LRP12: variants seen among roughly 807,000 people sequenced by gnomAD.
LRP12 encodes low-density lipoprotein receptor-related protein 12.
LRP12 carries 14 observed loss-of-function variants against 66.0 expected under a neutral mutation model. The observed-to-expected ratio is 0.21, with a 90% CI of 0.14 to 0.33. The LOEUF (loss-of-function observed/expected upper bound fraction) is 0.33. LRP12 is among the 10% of genes least tolerant of loss of function. The probability of loss-of-function intolerance (pLI) is 1.00; values close to 1 mark genes in which losing one functional copy is unlikely to be tolerated. For missense variants in LRP12, 889 were observed against 1,053.4 expected (o/e 0.84, Z 2.16); for synonymous variants, 357 against 359.1 (o/e 0.99, Z 0.07).
intron 1 of LRP12, among the ~76,000 whole-genome samples, chr8:104,545,314 G>C: frequency 6.6e-6 from 1 of 152,130 alleles, no homozygotes; most frequent in East Asian, 1.9e-4. Flanking sequence ...CAACATTGTT[G>C]GAATGACAAC....
At chr8:104,537,677 C>T (rs190666917) in intron 1 of LRP12, among the ~76,000 whole-genome samples, 19 of 152,220 alleles carry the variant, frequency 1.2e-4, no homozygotes, top group African/African-American at 4.3e-4. Flanking sequence ...TAAAATAGTA[C>T]AACCACTTTG....
chr8:104,490,596 A>T lies in LRP12; in HGVS notation c.*77T>A. The T allele has an allele frequency of 1.4e-6, 2 of 1,475,304 alleles. No homozygotes were observed. The highest frequency in any genetic ancestry group is 1.8e-6 in the Non-Finnish European group (2 of 1,100,186). 91.4% of individuals were successfully genotyped at this position (1,475,304 alleles called of 1,614,324 possible). On this transcript the variant is annotated 3_prime_UTR_variant, in exon 7 of 7. Transcript: ENST00000276654. ...CATTTTTTCTTTTTAAACTAAAACT[A>T]GTTTAACTGTAAAGTTACAAAATAA...
chr8:104,501,875 T>C (rs888532842), intron 3 of LRP12, among the ~76,000 whole-genome samples: 1 of 152,224 alleles, frequency 6.6e-6, no homozygotes. Flanking sequence ...TTGTGTTTAG[T>C]GCATTTGTTG....
At chr8:104,569,919 C>A (rs1167775823) in intron 1 of LRP12, among the ~76,000 whole-genome samples, 1 of 152,068 alleles carries the variant, frequency 6.6e-6, no homozygotes, top group Non-Finnish European at 1.5e-5. Flanking sequence ...TGAGAGAAAT[C>A]TACACAAATA....
intron 1 of LRP12, among the ~76,000 whole-genome samples, chr8:104,548,357 TA>T (rs1428671683): frequency 2.0e-5 from 1 of 49,024 alleles, no homozygotes; most frequent in East Asian, 5.2e-4. Flanking sequence ...ATATATAATA[TA>T]TATTATATAA....
At chr8:104,539,662 A>G (rs1225359172) in intron 1 of LRP12, among the ~76,000 whole-genome samples, 1 of 152,152 alleles carries the variant, frequency 6.6e-6, no homozygotes, top group Non-Finnish European at 1.5e-5. Context: ...AGTATCACAT[A>G]TACAAATTAT....
chr8:104,526,170 T>C (rs749633997), intron 2 of LRP12, among the ~76,000 whole-genome samples: 2 of 151,490 alleles, frequency 1.3e-5, no homozygotes, highest in Admixed American at 6.6e-5. Context: ...CACTGCTCAA[T>C]GAAATAAAAG....
intron 1 of LRP12, among the ~76,000 whole-genome samples, chr8:104,567,401 A>T (rs546447768): frequency 1.2e-4 from 18 of 152,112 alleles, no homozygotes; most frequent in Non-Finnish European, 2.6e-4. Flanking sequence ...CTATCACGAG[A>T]ATAGCACGGG....
At chr8:104,550,897 T>C (rs1811715600) in intron 1 of LRP12, among the ~76,000 whole-genome samples, 1 of 152,186 alleles carries the variant, frequency 6.6e-6, no homozygotes, top group African/African-American at 2.4e-5. Flanking sequence ...TATTCTCTCA[T>C]GAATCCTCTA....
intron 1 of LRP12, among the ~76,000 whole-genome samples, chr8:104,545,835 T>G (rs1328854254): frequency 6.6e-6 from 1 of 152,198 alleles, no homozygotes; most frequent in Non-Finnish European, 1.5e-5. Flanking sequence ...TGTATGCCTG[T>G]ATATTACTTA....
intron 1 of LRP12, among the ~76,000 whole-genome samples, chr8:104,580,553 C>T (rs1010388266): frequency 1.3e-5 from 2 of 150,756 alleles, no homozygotes; most frequent in African/African-American, 4.9e-5. Context: ...AACAAACAAA[C>T]AAAAAATTAA....
chr8:104,587,341 G>C (rs1285868470), intron 1 of LRP12, among the ~76,000 whole-genome samples: 1 of 152,126 alleles, frequency 6.6e-6, no homozygotes, highest in African/African-American at 2.4e-5. Flanking sequence ...CAACGTAATA[G>C]CTTATTGATC....
intron 2 of LRP12, among the ~76,000 whole-genome samples, chr8:104,525,643 A>AAT (rs35058788): frequency 0.15 from 22,257 of 152,124 alleles, 2,418 homozygotes; most frequent in African/African-American, 0.31. Flanking sequence ...ATTCTAACTT[A>AAT]ATGTTCATTA....
intron 1 of LRP12, among the ~76,000 whole-genome samples, chr8:104,548,599 G>A (rs1441515847): frequency 1.5e-5 from 1 of 66,062 alleles, no homozygotes; most frequent in Non-Finnish European, 3.0e-5. Context: ...ATATAATATA[G>A]AATTATATAA....
intron 1 of LRP12, among the ~76,000 whole-genome samples, chr8:104,564,807 C>A (rs1304473294): frequency 1.3e-5 from 2 of 151,966 alleles, no homozygotes; most frequent in African/African-American, 2.4e-5. Flanking sequence ...GTGGCACACG[C>A]CTGTAGTCCC....
Position 104,588,951 on chromosome 8 carries a change from C to T in LRP12, c.-54G>A, listed in dbSNP as rs1812384171. 1 of 1,310,926 alleles carries T rather than the reference C, an allele frequency of 7.6e-7. No individual in the cohort carries two copies. Among genetic ancestry groups the T allele is most frequent in the Non-Finnish European group, 1.0e-6 (1 of 953,722 alleles). 81.2% of individuals were successfully genotyped at this position (1,310,926 alleles called of 1,614,324 possible). On this transcript the variant is annotated 5_prime_UTR_variant, in exon 1 of 7. Transcript: ENST00000276654. ...GAGACGGAGGAGGAGGGAGGAGAAGCTGGAGGTAGACGACGCCGACGCCGC... is the reference window on the plus strand; with the variant it reads ...GAGACGGAGGAGGAGGGAGGAGAAGTTGGAGGTAGACGACGCCGACGCCGC...
intron 1 of LRP12, among the ~76,000 whole-genome samples, chr8:104,562,287 TGA>T (rs1178465207): frequency 6.6e-6 from 1 of 152,174 alleles, no homozygotes; most frequent in Non-Finnish European, 1.5e-5. Flanking sequence ...TTATTTTTAA[TGA>T]GAGCCTGGAA....
At chr8:104,532,052 T>A in intron 1 of LRP12, 89 bp from the exon 2 acceptor site, 1 of 733,222 alleles carries the variant, frequency 1.4e-6, no homozygotes, top group Non-Finnish European at 2.3e-6. Flanking sequence ...AACAACTACA[T>A]AGAGTTCCTT....
chr8:104,559,468 A>G (rs760326513), intron 1 of LRP12, among the ~76,000 whole-genome samples: 11 of 152,094 alleles, frequency 7.2e-5, no homozygotes, highest in Non-Finnish European at 1.2e-4. Flanking sequence ...AAGAGTGAGG[A>G]GGGGTGAGCG....
Sources: gnomAD v4.1 joint callset for allele counts (sites outside exome capture counted in the v4.1 genomes callset) on GRCh38, gnomAD v4.1.1 for gene constraint, MANE v1.5 for transcripts, NCBI Gene and HGNC (gene_info 2026-07-23, HGNC 2026-07-21) for gene names.